The following HTT variants were observed in gnomAD, a reference collection of about 807,000 sequenced individuals.
HTT encodes the protein huntington disease protein.
A neutral mutation model predicts 362.3 loss-of-function variants in HTT; 104 were observed. The observed-to-expected ratio is 0.29, with a 90% CI of 0.24 to 0.34. The LOEUF is 0.34. Ranked by LOEUF, HTT falls within the 10% of genes least tolerant of loss-of-function variation. The pLI is 1.00. For synonymous variants in HTT, 1,577 were observed against 1,548.7 expected (o/e 1.02, Z -0.43); for missense variants, 3,301 against 3,928.6 (o/e 0.84, Z 4.27).
chr4:3,230,059 A>G lies in HTT; in HGVS notation c.8265+17A>G. 6.2e-7 allele frequency: 1 copy of G among 1,612,236 alleles called. No homozygotes were observed. The highest frequency in any genetic ancestry group is 1.3e-5 in the African/African-American group (1 of 75,034). On this transcript the variant is annotated intron_variant, in intron 60 of 66. Coordinates refer to ENST00000355072, the MANE Select transcript of HTT (RefSeq NM_001388492.1). ...CTTGGGATGGTAAGTGACAGGTGGC[A>G]CAGAGGTTTCTGTGCTGAAGCCACG...
At chr4:3,080,220 A>G (rs898298285) in intron 1 of HTT, among the ~76,000 whole-genome samples, 3 of 151,842 alleles carry the variant, frequency 2.0e-5, no homozygotes, top group South Asian at 2.1e-4. Flanking sequence ...TCAGCCTCCC[A>G]AGTAACTGGG....
At chr4:3,230,389 C>T (rs993310500) in intron 60 of HTT, among the ~76,000 whole-genome samples, 2 of 152,160 alleles carry the variant, frequency 1.3e-5, no homozygotes, top group African/African-American at 4.8e-5. Context: ...CTGGCTTCCC[C>T]ATGCTCTGCC....
Position 3,221,584 on chromosome 4 carries a change from C to T in HTT, c.7370-803C>T, listed in dbSNP as rs533467487. Among the ~76,000 whole-genome samples, 6 of 152,342 alleles carry T rather than the reference C, an allele frequency of 3.9e-5. No homozygotes were observed. The East Asian group carries it at 7.7e-4, about 20-fold the overall frequency. On this transcript the variant is annotated intron_variant, in intron 53 of 66. Coordinates refer to ENST00000355072, the MANE Select transcript of HTT (RefSeq NM_001388492.1). ...CTCTGTCTCTTGTTCTTTCTTTACC[C>T]CGTTTATCACGGGGACCCCGATGTC...
intron 34 of HTT, 96 bp downstream of exon 34, chr4:3,177,483 T>C: frequency 1.3e-6 from 1 of 789,748 alleles, no homozygotes; most frequent in South Asian, 1.8e-5. Flanking sequence ...CTGTTAGGCA[T>C]TTTTGCTGTT....
rs1721827303 is a variant in HTT at position 3,242,060 on chromosome 4, C to CGT, written c.*2002_*2003insTG. ...TCAGAACTGTTGGCTGCTCCCCACCCGCCTCCCGCCTCCCCCGCAGGTTAT... is the reference window on the plus strand; with the variant it reads ...TCAGAACTGTTGGCTGCTCCCCACCCGTGCCTCCCGCCTCCCCCGCAGGTTAT... On this transcript the variant is annotated 3_prime_UTR_variant, in exon 67 of 67. Coordinates refer to ENST00000355072, the MANE Select transcript of HTT (RefSeq NM_001388492.1). 1 of 152,224 alleles carries CGT rather than the reference C, an allele frequency of 6.6e-6. No individual in the cohort carries two copies. The highest frequency in any genetic ancestry group is 2.4e-5 in the African/African-American group (1 of 41,414). 9.4% of individuals were successfully genotyped at this position (152,224 alleles called of 1,614,324 possible).
At chr4:3,120,179 A>G (rs1054376302) in intron 8 of HTT, among the ~76,000 whole-genome samples, 2 of 152,202 alleles carry the variant, frequency 1.3e-5, no homozygotes, top group Non-Finnish European at 2.9e-5. Flanking sequence ...TATAATATTA[A>G]AGATAGGGTT....
chr4:3,197,067 C>T (rs1156272180), intron 40 of HTT, among the ~76,000 whole-genome samples: 1 of 152,178 alleles, frequency 6.6e-6, no homozygotes, highest in East Asian at 1.9e-4. Flanking sequence ...CCTAGGCCCT[C>T]CAGCTTGATT....
chr4:3,095,353 C>T (rs918553531), intron 2 of HTT, among the ~76,000 whole-genome samples: 3 of 152,214 alleles, frequency 2.0e-5, no homozygotes, highest in African/African-American at 2.4e-5. Flanking sequence ...GGCGAAACCC[C>T]GTCTCCACCA....
intron 61 of HTT, 106 bp from the exon 62 acceptor site, chr4:3,235,178 C>T (rs1010370110): frequency 3.3e-5 from 27 of 821,156 alleles, no homozygotes; most frequent in African/African-American, 1.3e-4. Context: ...CCCGGGAGCC[C>T]GCCTGGCCCA....
In HTT at chr4:3,228,530, G is replaced by A. The variant is rs1209689005; in HGVS notation, c.7849-85G>A. ...GGGCAGACTGTTAGACGGTAGGCAT[G>A]TGCTGAGTCCCAGTGGCCACACCCA... On this transcript the variant is annotated intron_variant, in intron 57 of 66. Transcript: ENST00000355072. The surrounding 1 kb of genome is among the most constrained non-coding windows in gnomAD (Gnocchi z 4.3). The A allele has an allele frequency of 3.1e-5, 45 of 1,439,774 alleles. No homozygotes were observed. Among genetic ancestry groups the A allele is most frequent in the South Asian group, 1.2e-4 (8 of 69,396 alleles). 89.2% of individuals were successfully genotyped at this position (1,439,774 alleles called of 1,614,324 possible).
intron 21 of HTT, among the ~76,000 whole-genome samples, chr4:3,139,861 T>A (rs1180432792): frequency 1.3e-5 from 2 of 152,184 alleles, no homozygotes; most frequent in African/African-American, 4.8e-5. Flanking sequence ...CAGCACTTGT[T>A]GATCAGAAGG....
chr4:3,145,798 T>C (rs1032424254), intron 24 of HTT, among the ~76,000 whole-genome samples: 9 of 152,178 alleles, frequency 5.9e-5, no homozygotes, highest in Non-Finnish European at 2.9e-5. Context: ...AACCTGCAGA[T>C]TTCTTGTGTG....
chr4:3,176,333 C>G (rs1718244527), intron 33 of HTT, among the ~76,000 whole-genome samples: 1 of 152,184 alleles, frequency 6.6e-6, no homozygotes. Context: ...GGCCTGGGGT[C>G]TGCTTTTAAT....
intron 37 of HTT, among the ~76,000 whole-genome samples, chr4:3,185,262 C>G (rs529117470): frequency 6.6e-6 from 1 of 152,144 alleles, no homozygotes; most frequent in Non-Finnish European, 1.5e-5. Context: ...AGACACAAAT[C>G]GCCGTTGTGG....
In HTT at chr4:3,209,847, C is replaced by A; in HGVS notation, c.6312C>A (p.Val2104=). 2 of 1,614,016 alleles carry A rather than the reference C, an allele frequency of 1.2e-6. No individual in the cohort carries two copies. The highest frequency in any genetic ancestry group is 2.2e-5 in the South Asian group (2 of 91,032). Reference sequence around the variant, plus strand: ...CCCAGGACTGGTACGTTCATCTTGTCAAATCCCAGTGTTGGACCAGGTCAG... The same window carrying A: ...CCCAGGACTGGTACGTTCATCTTGTAAAATCCCAGTGTTGGACCAGGTCAG... ...SPDKDWYVHL[V]KSQCWTRSDS... is the part of the protein sequence containing the mutation. The change falls in exon 47 of 67, where the codon GTC becomes GTA. Residue 2104 remains valine (V), a synonymous_variant. Coordinates refer to ENST00000355072, the MANE Select transcript of HTT (RefSeq NM_001388492.1).
rs1000706845 is a variant in HTT, at chr4:3,095,549, ATTTCAG to A, written c.348-3721_348-3716del. Among the ~76,000 whole-genome samples, 5 of 152,250 alleles carry A rather than the reference ATTTCAG, an allele frequency of 3.3e-5. No individual in the cohort carries two copies. In the East Asian group the frequency reaches 9.6e-4, roughly 29 times the overall value. ...AGGGCGAGGGCGAGGGAATTCCTTA[ATTTCAG>A]TTTAGTGATACTAATTTTGGACTCT... On this transcript the variant is annotated intron_variant, in intron 2 of 66. Transcript: ENST00000355072.
At chr4:3,089,988 ACT>A (rs1277388383) in intron 2 of HTT, among the ~76,000 whole-genome samples, 3 of 152,090 alleles carry the variant, frequency 2.0e-5, no homozygotes, top group Non-Finnish European at 4.4e-5. Context: ...CATAGGATAC[ACT>A]CTATACTTTT....
chr4:3,196,176 C>T (rs1719249181), intron 40 of HTT, among the ~76,000 whole-genome samples: 1 of 152,192 alleles, frequency 6.6e-6, no homozygotes, highest in African/African-American at 2.4e-5. Flanking sequence ...GATATGCCCA[C>T]ACCATGCCCA....
At chr4:3,077,133 A>T (rs1370905756) in intron 1 of HTT, among the ~76,000 whole-genome samples, 1 of 152,100 alleles carries the variant, frequency 6.6e-6, no homozygotes, top group Non-Finnish European at 1.5e-5. Flanking sequence ...AGTTGAGATC[A>T]CGCCACTGCA....
Sources: allele counts gnomAD v4.1 joint callset (sites outside exome capture counted in the v4.1 genomes callset), GRCh38; gene constraint gnomAD v4.1.1; non-coding constraint Gnocchi (gnomAD v3.1); transcripts MANE v1.5; gene names NCBI Gene and HGNC (gene_info 2026-07-23, HGNC 2026-07-21).